Variants in TRPC6 observed in about 807,000 individuals in gnomAD.
TRPC6 encodes the protein transient receptor potential cation channel subfamily C member 6, also known as short transient receptor potential channel 6.
TRPC6 carries 55 observed loss-of-function variants against 90.7 expected under a neutral mutation model. The observed-to-expected ratio is 0.61, with a 90% confidence interval of 0.49 to 0.76. The LOEUF is 0.76. Ranked by LOEUF, TRPC6 falls within the 30% of genes least tolerant of loss-of-function variation. The pLI, the probability that TRPC6 is intolerant of heterozygous loss-of-function variation, is 0.00. For synonymous variants in TRPC6, 393 were observed against 393.0 expected (o/e 1.00, Z 0.00); for missense variants, 989 against 1,122.7 (o/e 0.88, Z 1.70).
intron 1 of TRPC6, among the ~76,000 whole-genome samples, chr11:101,523,645 C>T (rs559547032): frequency 1.3e-5 from 2 of 152,138 alleles, no homozygotes; most frequent in African/African-American, 4.8e-5. Context: ...TTAGTTTAGA[C>T]AGGAGTTCAT....
chr11:101,536,967 T>G (rs569528959), intron 1 of TRPC6, among the ~76,000 whole-genome samples: 3 of 152,240 alleles, frequency 2.0e-5, no homozygotes, highest in South Asian at 2.1e-4. Context: ...TTGAGAAATC[T>G]TGGAAAGGTA....
At chr11:101,569,937 C>T (rs1214303798) in intron 1 of TRPC6, among the ~76,000 whole-genome samples, 2 of 151,518 alleles carry the variant, frequency 1.3e-5, no homozygotes, top group African/African-American at 4.9e-5. Flanking sequence ...AAAATTGACA[C>T]CCGAACATCA....
chr11:101,527,855 T>C (rs1295506536), intron 1 of TRPC6, among the ~76,000 whole-genome samples: 3 of 152,066 alleles, frequency 2.0e-5, no homozygotes, highest in South Asian at 2.1e-4. Flanking sequence ...GGGCGAATCA[T>C]GAGGTCAGGA....
At chr11:101,522,249 T>C (rs1434374643) in intron 1 of TRPC6, among the ~76,000 whole-genome samples, 1 of 152,202 alleles carries the variant, frequency 6.6e-6, no homozygotes, top group Non-Finnish European at 1.5e-5. Context: ...CCCCTTACTA[T>C]TCTCATGATA....
At chr11:101,576,820 G>A (rs1324655330) in intron 1 of TRPC6, among the ~76,000 whole-genome samples, 1 of 152,180 alleles carries the variant, frequency 6.6e-6, no homozygotes, top group African/African-American at 2.4e-5. Flanking sequence ...ATTATGCAAT[G>A]TCTTCCTGGA....
chr11:101,502,687 G>T (rs1173334369), intron 2 of TRPC6, among the ~76,000 whole-genome samples: 1 of 152,206 alleles, frequency 6.6e-6, no homozygotes, highest in African/African-American at 2.4e-5. Flanking sequence ...CTGAGACAGG[G>T]TTAGAAGGAC....
Position 101,560,013 on chromosome 11 carries a change from T to G in TRPC6, c.170+23321A>C, listed in dbSNP as rs151153668. On this transcript the variant is annotated intron_variant, in intron 1 of 12. Transcript: ENST00000344327. ...GACCATCTTGTGAAAAAGTAATATC[T>G]GTCAGATCAAGTTCTGAAATAAAAA... is the stretch of plus-strand genomic sequence containing the variant. Among the ~76,000 whole-genome samples the G allele has an allele frequency of 1.6e-3, 242 of 152,228 alleles. 1 individual carries two copies. The highest frequency in any genetic ancestry group is 3.4e-3 in the Middle Eastern group (1 of 294).
At chr11:101,482,852 G>T in intron 5 of TRPC6, 97 bp downstream of exon 5, 1 of 1,232,512 alleles carries the variant, frequency 8.1e-7, no homozygotes, top group Non-Finnish European at 1.2e-6. Context: ...GTATCATGCT[G>T]CATACATTTG....
At chr11:101,580,925 C>A (rs1040958308) in intron 1 of TRPC6, among the ~76,000 whole-genome samples, 1 of 152,184 alleles carries the variant, frequency 6.6e-6, no homozygotes, top group Admixed American at 6.5e-5. Context: ...AGCTCTTTCT[C>A]ATACATCATA....
intron 8 of TRPC6, among the ~76,000 whole-genome samples, chr11:101,471,727 A>T (rs1190878195): frequency 6.6e-6 from 1 of 152,210 alleles, no homozygotes; most frequent in African/African-American, 2.4e-5. Flanking sequence ...TGGGACACAG[A>T]TCAAGATTTC....
intron 1 of TRPC6, among the ~76,000 whole-genome samples, chr11:101,565,567 G>C (rs11606855): frequency 0.24 from 36,022 of 151,794 alleles, 5,451 homozygotes; most frequent in Non-Finnish European, 0.34. Context: ...AACTGGAAGG[G>C]GAATTTTTTT....
At chr11:101,506,455 TAAAGTTTCAGC>T (rs1432034731) in intron 1 of TRPC6, among the ~76,000 whole-genome samples, 1 of 152,156 alleles carries the variant, frequency 6.6e-6, no homozygotes, top group East Asian at 1.9e-4. Context: ...AGGAAGATAG[TAAAGTTTCAGC>T]AACTCACAAA....
chr11:101,464,819 T>C (rs1798471683), intron 10 of TRPC6, among the ~76,000 whole-genome samples: 2 of 152,196 alleles, frequency 1.3e-5, no homozygotes, highest in South Asian at 4.1e-4. Flanking sequence ...TATACGTGAA[T>C]TTGATCCTGT....
chr11:101,576,026 A>T (rs1340778398), intron 1 of TRPC6, among the ~76,000 whole-genome samples: 5 of 152,164 alleles, frequency 3.3e-5, no homozygotes, highest in Non-Finnish European at 7.4e-5. Flanking sequence ...TACTGAGAGA[A>T]TCTGCCAGCC....
chr11:101,528,298 A>G (rs1004484539), intron 1 of TRPC6, among the ~76,000 whole-genome samples: 1 of 152,188 alleles, frequency 6.6e-6, no homozygotes, highest in Non-Finnish European at 1.5e-5. Flanking sequence ...TTGGACCTGG[A>G]AAAACAAAGT....
chr11:101,482,774 G>A (rs1859583713), intron 5 of TRPC6, among the ~76,000 whole-genome samples, 175 bp downstream of exon 5: 1 of 152,138 alleles, frequency 6.6e-6, no homozygotes, highest in Non-Finnish European at 1.5e-5. Flanking sequence ...GAAGACTATG[G>A]CACTGATAAT....
rs774756403 is a variant in TRPC6 at position 101,504,789 on chromosome 11, A to C, written c.180T>G (p.Ser60=). ...GCCGCCGGTGAGCCAGTCTGTTGTCAGATCCCCGGCTGCAATAAAACAGAA... is the reference window on the plus strand; with the variant it reads ...GCCGCCGGTGAGCCAGTCTGTTGTCCGATCCCCGGCTGCAATAAAACAGAA... ...CYGYYPCFRG[S]DNRLAHRRQT... Residue 60 remains serine (S), a synonymous_variant, in exon 2 of 13, where the codon TCT becomes TCG. Transcript: ENST00000344327. 5 of 1,611,694 alleles carry C rather than the reference A, an allele frequency of 3.1e-6. No individual in the cohort carries two copies. The African/African-American group carries it at 6.7e-5, about 22-fold the overall frequency.
At chr11:101,464,198 G>A (rs188279494) in intron 10 of TRPC6, among the ~76,000 whole-genome samples, 3 of 152,326 alleles carry the variant, frequency 2.0e-5, no homozygotes, top group African/African-American at 7.2e-5. Flanking sequence ...TTGCTGAGGA[G>A]TGTTTTACTT....
chr11:101,579,346 A>G (rs1862141494), intron 1 of TRPC6, among the ~76,000 whole-genome samples: 1 of 152,028 alleles, frequency 6.6e-6, no homozygotes, highest in Non-Finnish European at 1.5e-5. Context: ...ACTTTTAAAG[A>G]TTCTTTTTCA....
Sources: gnomAD v4.1 joint callset for allele counts (sites outside exome capture counted in the v4.1 genomes callset) on GRCh38, gnomAD v4.1.1 for gene constraint, MANE v1.5 for transcripts, NCBI Gene and HGNC (gene_info 2026-07-23, HGNC 2026-07-21) for gene names.